Variants in HHAT observed in about 807,000 individuals in gnomAD.
The protein encoded by HHAT is protein-cysteine N-palmitoyltransferase HHAT.
In HHAT, 47 loss-of-function variants were observed where a neutral mutation model predicts 70.8. The observed-to-expected ratio is 0.66, with a 90% CI of 0.53 to 0.85. The LOEUF (loss-of-function observed/expected upper bound fraction) is 0.85, where lower values mean the gene tolerates loss of function less well. Ranked by LOEUF, HHAT falls within the 40% of genes least tolerant of loss-of-function variation. The pLI is 0.00. For synonymous variants in HHAT, 228 were observed against 247.6 expected (o/e 0.92, Z 0.74); for missense variants, 609 against 604.8 (o/e 1.01, Z -0.07).
intron 8 of HHAT, among the ~76,000 whole-genome samples, chr1:210,483,586 G>A (rs2094431100): frequency 7.0e-6 from 1 of 142,642 alleles, no homozygotes; most frequent in African/African-American, 2.6e-5. Context: ...AAATAGATTA[G>A]TTTCCATTTA....
At chr1:210,403,596 G>A (rs2148209338) in intron 5 of HHAT, among the ~76,000 whole-genome samples, 1 of 152,324 alleles carries the variant, frequency 6.6e-6, no homozygotes, top group Admixed American at 6.5e-5. Flanking sequence ...ACTCTGTTCA[G>A]TGGTTGGTTT....
chr1:210,561,033 G>C (rs1215174255), intron 9 of HHAT, among the ~76,000 whole-genome samples: 1 of 152,104 alleles, frequency 6.6e-6, no homozygotes, highest in Non-Finnish European at 1.5e-5. Flanking sequence ...AGAAGAGGAA[G>C]ATGTGGTGAA....
intron 9 of HHAT, among the ~76,000 whole-genome samples, chr1:210,577,457 T>C (rs1658083461): frequency 6.6e-6 from 1 of 152,140 alleles, no homozygotes; most frequent in African/African-American, 2.4e-5. Context: ...TTGTCCTTCA[T>C]TCTGTTAATG....
At chr1:210,589,071 A>G (rs1249924072) in intron 10 of HHAT, 2 of 152,218 alleles carry the variant, frequency 1.3e-5, no homozygotes, top group African/African-American at 4.8e-5. Context: ...CCCCGAAAAA[A>G]GTAGCTAAAA....
chr1:210,409,241 C>T (rs2092443699), intron 6 of HHAT, among the ~76,000 whole-genome samples: 1 of 152,036 alleles, frequency 6.6e-6, no homozygotes, highest in Non-Finnish European at 1.5e-5. Flanking sequence ...GAAACAGAGG[C>T]AAAGAGAGGC....
At position 210,402,750 on chromosome 1, in the gene HHAT, T is replaced by G. The variant is rs987605876; in HGVS notation, c.469-1714T>G. On this transcript the variant is annotated intron_variant, in intron 5 of 11. Coordinates refer to ENST00000261458, the MANE Select transcript of HHAT (RefSeq NM_018194.6). Reference sequence around the variant, plus strand: ...TTGGGCAGTGTTGGGTATTCTTTCTTCAATCACTGTGGGACTGGAACTCCT... The same window carrying G: ...TTGGGCAGTGTTGGGTATTCTTTCTGCAATCACTGTGGGACTGGAACTCCT... Among the ~76,000 whole-genome samples, 5 of 152,204 alleles carry G rather than the reference T, an allele frequency of 3.3e-5. No homozygotes were observed. In the East Asian group the frequency reaches 7.7e-4, roughly 23 times the overall value.
chr1:210,637,513 G>A (rs1672099338), intron 11 of HHAT, among the ~76,000 whole-genome samples: 1 of 152,092 alleles, frequency 6.6e-6, no homozygotes, highest in African/African-American at 2.4e-5. Flanking sequence ...ATATAATGAT[G>A]AGAAACTTGT....
intron 11 of HHAT, among the ~76,000 whole-genome samples, chr1:210,667,419 C>T (rs958878626): frequency 1.4e-5 from 2 of 138,780 alleles, no homozygotes; most frequent in African/African-American, 5.0e-5. Context: ...ATTATTTTTT[C>T]TCACATCTTT....
intron 5 of HHAT, among the ~76,000 whole-genome samples, chr1:210,403,527 C>G (rs2092180616): frequency 6.6e-6 from 1 of 152,132 alleles, no homozygotes; most frequent in South Asian, 2.1e-4. Context: ...TGTGGTTCTC[C>G]TGATATGATT....
chr1:210,579,268 A>G (rs1486920456), intron 9 of HHAT, among the ~76,000 whole-genome samples: 1 of 152,158 alleles, frequency 6.6e-6, no homozygotes, highest in African/African-American at 2.4e-5. Context: ...CAACCAGCAC[A>G]TGTACCCCTA....
rs192708536 is a variant in HHAT at position 210,546,835 on chromosome 1, A to G, written c.1043+33647A>G. On this transcript the variant is annotated intron_variant, in intron 9 of 11. Transcript: ENST00000261458. ...GGGATGATTTGAGAGAAGGCCTCAA[A>G]GTCCAAGCGACAGACTTGATAATGA... Among the ~76,000 whole-genome samples the G allele has an allele frequency of 1.1e-4, 16 of 152,268 alleles. No individual in the cohort carries two copies. The East Asian group carries it at 3.1e-3, about 29-fold the overall frequency.
intron 11 of HHAT, among the ~76,000 whole-genome samples, chr1:210,671,439 G>C (rs1333867288): frequency 1.3e-5 from 2 of 152,178 alleles, no homozygotes; most frequent in African/African-American, 2.4e-5. Context: ...GCTGTATTGA[G>C]CTAGTGTTCC....
chr1:210,403,039 G>C (rs909722637), intron 5 of HHAT, among the ~76,000 whole-genome samples: 2 of 152,186 alleles, frequency 1.3e-5, no homozygotes, highest in Non-Finnish European at 2.9e-5. Context: ...ATTGTTCTGA[G>C]AGTCAAACGG....
chr1:210,478,753 A>G (rs1473244831), intron 8 of HHAT, among the ~76,000 whole-genome samples: 1 of 152,166 alleles, frequency 6.6e-6, no homozygotes, highest in African/African-American at 2.4e-5. Flanking sequence ...AAATCTATGC[A>G]GGCTGTTCTT....
chr1:210,579,758 T>G (rs1398967914), intron 9 of HHAT, among the ~76,000 whole-genome samples: 1 of 152,178 alleles, frequency 6.6e-6, no homozygotes, highest in African/African-American at 2.4e-5. Flanking sequence ...TGTTGCTGCT[T>G]GGGCTGTTTT....
intron 10 of HHAT, among the ~76,000 whole-genome samples, chr1:210,610,108 G>T (rs1666285116): frequency 6.6e-6 from 1 of 152,156 alleles, no homozygotes; most frequent in African/African-American, 2.4e-5. Context: ...CACAATGGTT[G>T]AGTTAACTTA....
chr1:210,655,756 G>A lies in HHAT; in HGVS notation c.1391-18532G>A, dbSNP rs114387668. ...TTAAAAATTTGCCATTTCCTCTGAC[G>A]TTTCCACAGTTTGCTAGAACACTGC... On this transcript the variant is annotated intron_variant, in intron 11 of 11. Coordinates refer to ENST00000261458, the MANE Select transcript of HHAT (RefSeq NM_018194.6). Among the ~76,000 whole-genome samples, 1,484 of 152,290 alleles carry A rather than the reference G, an allele frequency of 9.7e-3. 16 individuals carry two copies. The highest frequency in any genetic ancestry group is 0.034 in the Middle Eastern group (10 of 294).
chr1:210,609,086 T>C (rs1470749849), intron 10 of HHAT, among the ~76,000 whole-genome samples: 1 of 152,146 alleles, frequency 6.6e-6, no homozygotes, highest in Non-Finnish European at 1.5e-5. Context: ...GGTCTCTTCT[T>C]TGACACGTGG....
At chr1:210,645,644 A>G (rs1381401560) in intron 11 of HHAT, among the ~76,000 whole-genome samples, 2 of 152,200 alleles carry the variant, frequency 1.3e-5, no homozygotes, top group Non-Finnish European at 2.9e-5. Context: ...TGCGAGGTGT[A>G]TGCTTTCTTT....
Sources: allele counts gnomAD v4.1 joint callset (sites outside exome capture counted in the v4.1 genomes callset), GRCh38; gene constraint gnomAD v4.1.1; transcripts MANE v1.5; gene names NCBI Gene and HGNC (gene_info 2026-07-23, HGNC 2026-07-21).